TENM2: variants seen among roughly 807,000 people sequenced by gnomAD.
The protein encoded by TENM2 is teneurin transmembrane protein 2.
A neutral mutation model predicts 245.2 loss-of-function variants in TENM2; 52 were observed. That is an observed-to-expected ratio of 0.21 (90% CI 0.17 to 0.27). The LOEUF is 0.27. TENM2 is among the 10% of genes least tolerant of loss of function. The pLI is 1.00. For missense variants in TENM2, 3,046 were observed against 3,666.8 expected (o/e 0.83, Z 4.37); for synonymous variants, 1,363 against 1,438.9 (o/e 0.95, Z 1.19).
chr5:167,904,706 C>G (rs1002712786), intron 3 of TENM2, among the ~76,000 whole-genome samples: 3 of 152,078 alleles, frequency 2.0e-5, no homozygotes, highest in Non-Finnish European at 2.9e-5. Context: ...AAACTCAGAA[C>G]TTAAAGAAAG....
At chr5:167,246,731 C>A in the TENM2 span, among the ~76,000 whole-genome samples, 1 of 151,770 alleles carries the variant, frequency 6.6e-6, no homozygotes, top group African/African-American at 2.4e-5. Flanking sequence ...TTCTGCTTGC[C>A]CATGTGTTTA....
the TENM2 span, among the ~76,000 whole-genome samples, chr5:166,994,807 G>C: frequency 7.9e-5 from 12 of 152,232 alleles, no homozygotes; most frequent in South Asian, 2.5e-3. Context: ...GGCCAATATG[G>C]AACTGTCTGA....
intron 11 of TENM2, 147 bp downstream of exon 13, chr5:168,125,197 C>A (rs1581383879): frequency 4.0e-6 from 3 of 746,454 alleles, no homozygotes; most frequent in East Asian, 5.4e-5. Flanking sequence ...TCATTCTCTT[C>A]TCCTCAATCG....
chr5:168,238,495 G>T (rs146741963), intron 25 of TENM2, among the ~76,000 whole-genome samples: 1 of 152,130 alleles, frequency 6.6e-6, no homozygotes, highest in Non-Finnish European at 1.5e-5. Context: ...ATGGGCAAAG[G>T]GTTCTTCTAT....
chr5:168,262,149 A>G, exon 29 of TENM2: 1 of 1,613,762 alleles, frequency 6.2e-7, no homozygotes, highest in Non-Finnish European at 8.5e-7. Context: ...AGCATCCGAG[A>G]GAAAGCAGGT....
chr5:168,040,785 G>A (rs770171616), intron 5 of TENM2, among the ~76,000 whole-genome samples: 1 of 152,108 alleles, frequency 6.6e-6, no homozygotes, highest in Non-Finnish European at 1.5e-5. Context: ...TGAGGAAGAG[G>A]CACTGCACTC....
chr5:167,840,883 C>T (rs549200294), intron 2 of TENM2, among the ~76,000 whole-genome samples: 82 of 152,276 alleles, frequency 5.4e-4, no homozygotes, highest in African/African-American at 1.8e-3. Context: ...GCAGCACTCC[C>T]AGCCCTCCGT....
chr5:167,491,029 C>A lies in TENM2; in HGVS notation c.502+115556C>A, dbSNP rs531534770. On this transcript the variant is annotated intron_variant, in intron 2 of 28. Transcript: ENST00000518659. ...GTCATGTATTTGTCTAGGAATCAAT[C>A]ACAGTGACACAAGGAATAAGCTATG... Among the ~76,000 whole-genome samples the A allele has an allele frequency of 2.2e-4, 34 of 152,268 alleles. 1 individual carries two copies. In the South Asian group the frequency reaches 6.8e-3, roughly 31 times the overall value.
intron 2 of TENM2, among the ~76,000 whole-genome samples, chr5:167,439,152 CA>C (rs1459370584): frequency 6.6e-6 from 1 of 152,084 alleles, no homozygotes; most frequent in Non-Finnish European, 1.5e-5. Context: ...TCAAAGGAGG[CA>C]GAGGTGATCA....
intron 2 of TENM2, among the ~76,000 whole-genome samples, chr5:167,562,295 G>A (rs1365153536): frequency 4.6e-5 from 7 of 151,756 alleles, no homozygotes; most frequent in African/African-American, 1.7e-4. Context: ...AGAGAATCTA[G>A]TTGGGCAAAG....
intron 4 of TENM2, among the ~76,000 whole-genome samples, chr5:167,980,274 G>A (rs1461451436): frequency 6.6e-6 from 1 of 152,204 alleles, no homozygotes; most frequent in Non-Finnish European, 1.5e-5. Flanking sequence ...CCCATCTCTG[G>A]ATGTTGACTG....
At chr5:167,013,807 T>C in the TENM2 span, among the ~76,000 whole-genome samples, 1 of 152,240 alleles carries the variant, frequency 6.6e-6, no homozygotes, top group East Asian at 1.9e-4. Context: ...GCAAGTTTAC[T>C]TCCTAATTCT....
intron 2 of TENM2, among the ~76,000 whole-genome samples, chr5:167,708,256 GTT>G (rs1430857334): frequency 2.0e-5 from 3 of 150,356 alleles, no homozygotes; most frequent in South Asian, 2.1e-4. Context: ...GAGAGAGAGA[GTT>G]AGATGATAGG....
chr5:168,047,638 T>C (rs1240145056), intron 6 of TENM2, 89 bp downstream of exon 8: 2 of 1,444,462 alleles, frequency 1.4e-6, no homozygotes, highest in Non-Finnish European at 1.9e-6. Context: ...ATCCAAATCT[T>C]GGAAGGTATG....
At chr5:168,037,088 T>A (rs1787776698) in intron 5 of TENM2, among the ~76,000 whole-genome samples, 1 of 152,316 alleles carries the variant, frequency 6.6e-6, no homozygotes, top group African/African-American at 2.4e-5. Context: ...AAGTTTTAAA[T>A]GTTTCAGGTT....
the TENM2 span, among the ~76,000 whole-genome samples, chr5:167,008,306 G>A: frequency 1.3e-5 from 2 of 152,124 alleles, no homozygotes; most frequent in South Asian, 4.1e-4. Context: ...TCAGACTGCT[G>A]AATAAAGGAG....
At chr5:167,132,536 A>G in the TENM2 span, among the ~76,000 whole-genome samples, 1 of 152,116 alleles carries the variant, frequency 6.6e-6, no homozygotes. Flanking sequence ...TAGAATGGCC[A>G]GGCATGTTAC....
intron 10 of TENM2, among the ~76,000 whole-genome samples, chr5:168,120,475 TA>T (rs1165024669): frequency 6.6e-6 from 1 of 152,246 alleles, no homozygotes; most frequent in African/African-American, 2.4e-5. Flanking sequence ...AGGAAAGTGC[TA>T]GGGCAACAAC....
intron 1 of TENM2, among the ~76,000 whole-genome samples, chr5:167,368,116 A>G (rs1222268562): frequency 6.6e-6 from 1 of 152,160 alleles, no homozygotes; most frequent in Non-Finnish European, 1.5e-5. Flanking sequence ...CAAAAGAACA[A>G]ATGTTTCAAA....
Sources: allele counts gnomAD v4.1 joint callset (sites outside exome capture counted in the v4.1 genomes callset), GRCh38; gene constraint gnomAD v4.1.1; transcripts MANE v1.5; gene names NCBI Gene and HGNC (gene_info 2026-07-23, HGNC 2026-07-21).